The following FGD3 variants were observed in gnomAD, a reference collection of about 807,000 sequenced individuals.
FGD3 encodes the protein FYVE, RhoGEF and PH domain-containing protein 3.
FGD3 carries 45 observed loss-of-function variants against 71.8 expected under a neutral mutation model. The ratio of observed to expected loss-of-function variants is 0.63; its 90% confidence interval spans 0.49 to 0.80. The LOEUF (loss-of-function observed/expected upper bound fraction) is 0.80, where lower values mean the gene tolerates loss of function less well. Among genes scored for constraint, FGD3 ranks in the 30% least tolerant of loss-of-function variants. FGD3 has a pLI of 0.00. For missense variants in FGD3, 844 were observed against 951.5 expected, an observed-to-expected ratio of 0.89 and a Z score of 1.49; for synonymous variants, 378 against 392.8, an observed-to-expected ratio of 0.96 and a Z score of 0.44.
Position 92,950,169 on chromosome 9 carries a change from GC to G in FGD3, c.-218+2441del, listed in dbSNP as rs1357572239. ...ACAGTGGCTTACGCCTGTAATCCCA[GC>G]ACTTTGGGAGGCTGAGGCAGGTGGA... On this transcript the variant is annotated intron_variant, in intron 1 of 17. Transcript: ENST00000375482. 1.2e-4 allele frequency among the ~76,000 whole-genome samples: 19 copies of G among 152,130 alleles called. No homozygotes were observed. In the East Asian group the frequency reaches 3.3e-3, roughly 26 times the overall value.
chr9:92,990,664 T>C (rs1860371392), intron 3 of FGD3, among the ~76,000 whole-genome samples: 1 of 152,282 alleles, frequency 6.6e-6, no homozygotes, highest in Admixed American at 6.5e-5. Context: ...TGTCTCAGCA[T>C]ATATTAAAAT....
intron 3 of FGD3, among the ~76,000 whole-genome samples, chr9:92,996,064 C>T (rs1296962745): frequency 6.6e-6 from 1 of 152,148 alleles, no homozygotes; most frequent in Non-Finnish European, 1.5e-5. Context: ...ACCAGCTCCT[C>T]TTTGTACCTC....
intron 3 of FGD3, among the ~76,000 whole-genome samples, chr9:92,981,158 G>C: frequency 6.6e-6 from 1 of 151,208 alleles, no homozygotes; most frequent in Non-Finnish European, 1.5e-5. Context: ...CATGAGGTCA[G>C]GAGATCGAGA....
At chr9:93,001,605 G>A (rs1050647695) in intron 3 of FGD3, among the ~76,000 whole-genome samples, 23 of 152,194 alleles carry the variant, frequency 1.5e-4, no homozygotes, top group Non-Finnish European at 2.9e-5. Context: ...CTGGCACTAG[G>A]AATATAAGAC....
chr9:92,973,699 G>C (rs1457190145), intron 1 of FGD3, among the ~76,000 whole-genome samples: 1 of 152,152 alleles, frequency 6.6e-6, no homozygotes, highest in Non-Finnish European at 1.5e-5. Flanking sequence ...GTGGGCATAG[G>C]CGTGTCCCTG....
intron 3 of FGD3, among the ~76,000 whole-genome samples, chr9:92,990,665 A>G (rs748436578): frequency 4.6e-5 from 7 of 152,248 alleles, no homozygotes; most frequent in Non-Finnish European, 8.8e-5. Context: ...GTCTCAGCAT[A>G]TATTAAAATG....
At chr9:93,016,297 G>C (rs916221478) in intron 10 of FGD3, among the ~76,000 whole-genome samples, 2 of 150,892 alleles carry the variant, frequency 1.3e-5, no homozygotes, top group African/African-American at 4.9e-5. Context: ...CGGGGGGAGG[G>C]TTCCAGGCAG....
chr9:92,963,579 C>T (rs139642085), intron 1 of FGD3, among the ~76,000 whole-genome samples: 3 of 152,312 alleles, frequency 2.0e-5, no homozygotes, highest in Admixed American at 6.5e-5. Context: ...GGATTTCAGG[C>T]ATGAGCCACC....
chr9:93,034,183 T>G, intron 16 of FGD3: 2 of 200,958 alleles, frequency 1.0e-5, no homozygotes, highest in East Asian at 1.2e-4. Context: ...CGCACGTGCA[T>G]GTATATGGTG....
intron 3 of FGD3, among the ~76,000 whole-genome samples, chr9:92,987,411 G>A (rs1334321661): frequency 2.1e-5 from 3 of 145,858 alleles, no homozygotes; most frequent in African/African-American, 5.1e-5. Context: ...CAGCCTGGAC[G>A]ACAGAGCGAG....
intron 3 of FGD3, among the ~76,000 whole-genome samples, chr9:92,985,778 C>T (rs1860166288): frequency 1.3e-5 from 2 of 152,048 alleles, no homozygotes; most frequent in Non-Finnish European, 2.9e-5. Context: ...GCACCTGGCC[C>T]ATTTTTCTGT....
At chr9:92,996,360 C>T (rs538908078) in intron 3 of FGD3, among the ~76,000 whole-genome samples, 5 of 152,086 alleles carry the variant, frequency 3.3e-5, no homozygotes, top group South Asian at 2.1e-4. Flanking sequence ...TTTGATTTTT[C>T]TCTCTTTTCT....
At chr9:93,019,043 T>C (rs1861813395) in intron 11 of FGD3, among the ~76,000 whole-genome samples, 1 of 152,082 alleles carries the variant, frequency 6.6e-6, no homozygotes, top group Non-Finnish European at 1.5e-5. Flanking sequence ...CCAACGGGGT[T>C]TCACCATGTT....
Position 93,035,421 on chromosome 9 carries a change from T to C in FGD3, c.2010T>C (p.His670=), listed in dbSNP as rs1338736718. 2 of 1,612,178 alleles carry C rather than the reference T, an allele frequency of 1.2e-6. No homozygotes were observed. The highest frequency in any genetic ancestry group is 2.7e-5 in the African/African-American group (2 of 74,868). The stretch of plus-strand genomic sequence containing the variant: ...CTGAGGAGAGGCTGGACTCGGGGCA[T>C]GTGTGGAAGCTGCAGTGGGCCAAGC... ...PDPEERLDSG[H]VWKLQWAKQS... Residue 670 remains histidine, a synonymous_variant, in exon 18 of 18, where the codon CAT becomes CAC. Transcript: ENST00000375482.
rs923610579 is a variant in FGD3 at position 93,035,728 on chromosome 9, G to T, written c.*139G>T. ...CAGAGCTCAGGACACTTGGCTTTGG[G>T]GGGAAGGAAACTGAGGCCCAGAGAG... is the stretch of plus-strand genomic sequence containing the variant. On this transcript the variant is annotated 3_prime_UTR_variant, in exon 18 of 18. Coordinates refer to ENST00000375482, the MANE Select transcript of FGD3 (RefSeq NM_001083536.2). 3 of 1,305,600 alleles carry T rather than the reference G, an allele frequency of 2.3e-6. No homozygotes were observed. The highest frequency in any genetic ancestry group is 2.0e-6 in the Non-Finnish European group (2 of 989,562). The allele number at this position is 1,305,600 out of a possible 1,614,324, so 80.9% of individuals were successfully genotyped here.
At chr9:93,014,419 C>T (rs572375605) in intron 9 of FGD3, among the ~76,000 whole-genome samples, 3 of 152,174 alleles carry the variant, frequency 2.0e-5, no homozygotes, top group African/African-American at 4.8e-5. Flanking sequence ...TTCGAGACCC[C>T]CCCGGGTGCC....
chr9:92,961,812 G>C (rs553341372), intron 1 of FGD3, among the ~76,000 whole-genome samples: 1 of 152,266 alleles, frequency 6.6e-6, no homozygotes, highest in South Asian at 2.1e-4. Context: ...GTTCCTCTCC[G>C]CATGGGCCTC....
At chr9:93,006,567 G>A (rs183922669) in intron 6 of FGD3, among the ~76,000 whole-genome samples, 78 of 151,958 alleles carry the variant, frequency 5.1e-4, no homozygotes, top group African/African-American at 1.6e-3. Flanking sequence ...TTTGTTTTTC[G>A]CTTTCTGCTA....
rs1035191068 is a variant in FGD3 at position 92,969,060 on chromosome 9, G to A, written c.-217-6178G>A. ...AGCCATATGGGGACCAGCGGATATAGGCAGTTCACATGGTTTATTGTATCA... is the reference window on the plus strand; with the variant it reads ...AGCCATATGGGGACCAGCGGATATAAGCAGTTCACATGGTTTATTGTATCA... On this transcript the variant is annotated intron_variant, in intron 1 of 17. Coordinates refer to ENST00000375482, the MANE Select transcript of FGD3 (RefSeq NM_001083536.2). The surrounding 1 kb of genome is among the most constrained non-coding windows in gnomAD (Gnocchi z 4.5). Among the ~76,000 whole-genome samples, 7 of 152,240 alleles carry A rather than the reference G, an allele frequency of 4.6e-5. No individual in the cohort carries two copies. Among genetic ancestry groups the A allele is most frequent in the Non-Finnish European group, 7.3e-5 (5 of 68,046 alleles).
Sources: allele counts gnomAD v4.1 joint callset (sites outside exome capture counted in the v4.1 genomes callset), GRCh38; gene constraint gnomAD v4.1.1; non-coding constraint Gnocchi (gnomAD v3.1); transcripts MANE v1.5; gene names NCBI Gene and HGNC (gene_info 2026-07-23, HGNC 2026-07-21).